Variants in OTOG observed in about 807,000 individuals in gnomAD.
OTOG encodes otogelin.
Under a neutral mutation model 313.8 loss-of-function variants are expected in OTOG, and 296 were observed. That is an observed-to-expected ratio of 0.94 (90% CI 0.86 to 1.04). OTOG has a LOEUF of 1.04. OTOG is among the 50% of genes least tolerant of loss of function. The pLI, the probability that OTOG is intolerant of heterozygous loss-of-function variation, is 0.00. For synonymous variants in OTOG, 1,533 were observed against 1,554.9 expected, an observed-to-expected ratio of 0.99 and a Z score of 0.33; for missense variants, 3,948 against 3,840.1, an observed-to-expected ratio of 1.03 and a Z score of -0.74.
At chr11:17,570,966 T>C (rs551686006) in intron 17 of OTOG, among the ~76,000 whole-genome samples, 1 of 152,306 alleles carries the variant, frequency 6.6e-6, no homozygotes, top group East Asian at 1.9e-4. Context: ...AGGGAAAGGC[T>C]GTTTTCTGTG....
At position 17,635,638 on chromosome 11, in the gene OTOG, C is replaced by G; in HGVS notation, c.7722C>G (p.Pro2574=). ...GTGGTGACTGTCCAGACTCCATCCC[C>G]GAATGTCAAGAAGGGGAGGCGCTCA... ...CACGDCPDSI[P]ECQEGEALTV... The change falls in exon 47 of 56, where the codon CCC becomes CCG. Residue 2574 remains proline (P), a synonymous_variant. Transcript: ENST00000399397. 1 of 1,550,528 alleles carries G rather than the reference C, an allele frequency of 6.4e-7. No homozygotes were observed. Among genetic ancestry groups the G allele is most frequent in the South Asian group, 1.2e-5 (1 of 84,058 alleles).
rs560648200 is a variant in OTOG at position 17,641,211 on chromosome 11, G to C, written c.8190+120G>C. On this transcript the variant is annotated intron_variant, in intron 51 of 55. Coordinates refer to ENST00000399397, the MANE Select transcript of OTOG (RefSeq NM_001292063.2). ...CCTAAACCCCCAGGACAAGTCAGAG[G>C]GGCCCTCAGAAACCTCTGTAGAAAG... is the stretch of plus-strand genomic sequence containing the variant. 1.1e-4 allele frequency: 127 copies of C among 1,144,004 alleles called. No homozygotes were observed. The African/African-American group carries it at 1.8e-3, about 16-fold the overall frequency. The allele number at this position is 1,144,004 out of a possible 1,614,324, so 70.9% of individuals were successfully genotyped here.
At chr11:17,547,816 TG>T in intron 1 of OTOG, 110 bp from the exon 2 acceptor site, 1 of 433,562 alleles carries the variant, frequency 2.3e-6, no homozygotes, top group Non-Finnish European at 4.0e-6. Flanking sequence ...GGAGGGAGAA[TG>T]GGGGAATGCT....
chr11:17,552,341 G>A (rs1434715715), intron 4 of OTOG, among the ~76,000 whole-genome samples: 1 of 152,196 alleles, frequency 6.6e-6, no homozygotes, highest in Non-Finnish European at 1.5e-5. Flanking sequence ...GTGAGACTGT[G>A]CTTCATTATT....
At chr11:17,617,732 A>T (rs1853758373) in intron 39 of OTOG, among the ~76,000 whole-genome samples, 1 of 151,958 alleles carries the variant, frequency 6.6e-6, no homozygotes, top group Admixed American at 6.6e-5. Context: ...TATCAAACTT[A>T]CTGTCCTTCT....
Position 17,611,122 on chromosome 11 carries a change from C to G in OTOG, c.5822C>G (p.Pro1941Arg). ...PTELTPATSH[P>R]LTPLVAEPEG... is the part of the protein sequence containing the mutation. ...GAGCTCACGCCTGCTACGAGCCACC[C>G]TCTCACGCCCTTGGTGGCTGAGCCC... The change falls in exon 36 of 56, where the codon CCT (proline) becomes CGT (arginine). Residue 1941 changes from proline (P) to arginine (R), a missense_variant. Transcript: ENST00000399397. The G allele has an allele frequency of 1.9e-6, 3 of 1,550,582 alleles. No individual in the cohort carries two copies. Among genetic ancestry groups the G allele is most frequent in the Non-Finnish European group, 2.6e-6 (3 of 1,146,954 alleles).
chr11:17,633,074 C>T (rs1373549332), intron 42 of OTOG, among the ~76,000 whole-genome samples: 1 of 152,220 alleles, frequency 6.6e-6, no homozygotes, highest in East Asian at 1.9e-4. Flanking sequence ...CCTAAATACC[C>T]TTTGAAATCA....
At chr11:17,578,603 G>A in intron 23 of OTOG, 77 bp downstream of exon 23, 2 of 1,442,392 alleles carry the variant, frequency 1.4e-6, no homozygotes, top group South Asian at 1.4e-5. Flanking sequence ...AGTGGGGGCA[G>A]GGAAAACATC....
Position 17,570,528 on chromosome 11 carries a change from A to G in OTOG, c.1955+138A>G, listed in dbSNP as rs1469189143. 5 of 804,066 alleles carry G rather than the reference A, an allele frequency of 6.2e-6. No individual in the cohort carries two copies. In the Admixed American group the frequency reaches 1.2e-4, roughly 19 times the overall value. The allele number at this position is 804,066 out of a possible 1,614,324, so 49.8% of individuals were successfully genotyped here. On this transcript the variant is annotated intron_variant, in intron 17 of 55. Coordinates refer to ENST00000399397, the MANE Select transcript of OTOG (RefSeq NM_001292063.2). ...TGCACCATTAGTTATTGATTTCTCTACATTTAAATTTAATTATGTTTCTTT... is the reference window on the plus strand; with the variant it reads ...TGCACCATTAGTTATTGATTTCTCTGCATTTAAATTTAATTATGTTTCTTT...
intron 53 of OTOG, 145 bp from the exon 54 acceptor site, chr11:17,643,316 G>A (rs1247244017): frequency 2.0e-6 from 1 of 497,058 alleles, no homozygotes; most frequent in African/African-American, 2.0e-5. Flanking sequence ...CCTATGGCCT[G>A]GCAAGGGGCC....
intron 39 of OTOG, among the ~76,000 whole-genome samples, chr11:17,617,595 G>A (rs924116345): frequency 1.3e-5 from 2 of 152,156 alleles, no homozygotes; most frequent in African/African-American, 2.4e-5. Context: ...TAAACATTAA[G>A]TTGTTCATCA....
At chr11:17,581,785 G>A (rs1331143621) in intron 23 of OTOG, among the ~76,000 whole-genome samples, 1 of 152,072 alleles carries the variant, frequency 6.6e-6, no homozygotes, top group African/African-American at 2.4e-5. Flanking sequence ...TCCCTAATGT[G>A]AATATATAAT....
chr11:17,573,711 C>G (rs1852457117), intron 19 of OTOG, among the ~76,000 whole-genome samples: 1 of 152,250 alleles, frequency 6.6e-6, no homozygotes, highest in South Asian at 2.1e-4. Context: ...CCTACCCTGA[C>G]CCTGGGCTAT....
chr11:17,631,011 T>C (rs1019302135), intron 40 of OTOG, among the ~76,000 whole-genome samples: 3 of 152,230 alleles, frequency 2.0e-5, no homozygotes, highest in African/African-American at 7.2e-5. Flanking sequence ...GGTTCTGCCA[T>C]GTCAACATGA....
In OTOG at chr11:17,594,050, C is replaced by T. The variant is rs753208856; in HGVS notation, c.3292C>T (p.Gln1098Ter). The T allele has an allele frequency of 1.3e-6, 2 of 1,550,606 alleles. No individual in the cohort carries two copies. Among genetic ancestry groups the T allele is most frequent in the South Asian group, 2.4e-5 (2 of 84,062 alleles). ...ATGGTGTCCTCTCTCCTTTCAGGGCCAGCTGGCGGGCCTCTGTGGGAACTT... is the reference window on the plus strand; with the variant it reads ...ATGGTGTCCTCTCTCCTTTCAGGGCTAGCTGGCGGGCCTCTGTGGGAACTT... ...HVQAGPQWQG[Q>*]LAGLCGNFDL... The change falls in exon 28 of 56, where the codon CAG becomes TAG. Residue 1098 changes from glutamine (Q) to a stop codon, truncating the protein, a stop_gained. Transcript: ENST00000399397. LOFTEE classifies it high-confidence loss of function.
rs757249332 is a variant in OTOG, at chr11:17,561,719, C to A, written c.1556C>A (p.Thr519Lys). The A allele has an allele frequency of 1.3e-6, 2 of 1,550,408 alleles. No homozygotes were observed. Among genetic ancestry groups the A allele is most frequent in the Non-Finnish European group, 1.7e-6 (2 of 1,146,980 alleles). ...ACAACCTTTGATGGCCGCCGGTACA[C>A]GTTCCCCGCCACATGTCAGTACATC... ...HFTTFDGRRY[T>K]FPATCQYILA... The change falls in exon 15 of 56, where the codon ACG becomes AAG. Residue 519 changes from threonine to lysine, a missense_variant. Transcript: ENST00000399397.
chr11:17,593,360 C>A, intron 26 of OTOG, 33 bp downstream of exon 26: 1 of 1,548,766 alleles, frequency 6.5e-7, no homozygotes, highest in Non-Finnish European at 8.7e-7. Context: ...GTTGTGTAGA[C>A]AATTTACAGG....
In OTOG at chr11:17,631,760, T is replaced by G. The variant is rs1449007788; in HGVS notation, c.6771T>G (p.Gly2257=). Residue 2257 remains glycine, a synonymous_variant, in exon 41 of 56, where the codon GGT becomes GGG. Coordinates refer to ENST00000399397, the MANE Select transcript of OTOG (RefSeq NM_001292063.2). Reference sequence around the variant, plus strand: ...CCCTGAAGGATGGCTCAGTGGTGGGTGGGGCTGAGGACCCTGCTCCCTTTC... The same window carrying G: ...CCCTGAAGGATGGCTCAGTGGTGGGGGGGGCTGAGGACCCTGCTCCCTTTC... The part of the protein sequence containing the change: ...DLTLKDGSVV[G]GAEDPAPFLD... 8 of 1,550,434 alleles carry G rather than the reference T, an allele frequency of 5.2e-6. No homozygotes were observed. The highest frequency in any genetic ancestry group is 7.0e-6 in the Non-Finnish European group (8 of 1,147,006).
At chr11:17,617,809 T>C (rs1299099859) in intron 39 of OTOG, among the ~76,000 whole-genome samples, 1 of 152,138 alleles carries the variant, frequency 6.6e-6, no homozygotes, top group Non-Finnish European at 1.5e-5. Context: ...TTCTGCTATC[T>C]TTATTATTTT....
Sources: gnomAD v4.1 joint callset for allele counts (sites outside exome capture counted in the v4.1 genomes callset) on GRCh38, gnomAD v4.1.1 for gene constraint, MANE v1.5 for transcripts, NCBI Gene and HGNC (gene_info 2026-07-23, HGNC 2026-07-21) for gene names.